The following HYAL4 variants were observed in gnomAD, a reference collection of about 807,000 sequenced individuals.
The protein encoded by HYAL4 is hyaluronidase-4.
Under a neutral mutation model 35.2 loss-of-function variants are expected in HYAL4, and 37 were observed. The observed-to-expected ratio is 1.05, with a 90% CI of 0.81 to 1.38. The LOEUF is 1.38. HYAL4 is among the 40% of genes most tolerant of loss of function. The pLI is 0.00. For synonymous variants in HYAL4, 198 were observed against 203.2 expected (o/e 0.97, Z 0.22); for missense variants, 572 against 572.4 (o/e 1.00, Z 0.01).
the HYAL4 span, among the ~76,000 whole-genome samples, chr7:123,775,542 A>G: frequency 2.6e-5 from 4 of 152,212 alleles, no homozygotes; most frequent in Admixed American, 6.5e-5. Flanking sequence ...TTAGTCTTCA[A>G]CCACATCTGG....
the HYAL4 span, among the ~76,000 whole-genome samples, chr7:123,798,290 A>C: frequency 6.6e-6 from 1 of 152,322 alleles, no homozygotes; most frequent in South Asian, 2.1e-4. Context: ...GAAACTATGC[A>C]ATTATCAGAG....
chr7:123,763,791 C>T, the HYAL4 span, among the ~76,000 whole-genome samples: 2 of 152,220 alleles, frequency 1.3e-5, no homozygotes, highest in South Asian at 2.1e-4. Context: ...TCTCTTCCTT[C>T]CAGCAGCTTC....
At chr7:123,784,712 A>G in the HYAL4 span, among the ~76,000 whole-genome samples, 5 of 152,224 alleles carry the variant, frequency 3.3e-5, no homozygotes, top group East Asian at 1.9e-4. Flanking sequence ...CCTTAACTCT[A>G]TAAAGAGCTA....
the HYAL4 span, among the ~76,000 whole-genome samples, chr7:123,820,583 C>CAAA: frequency 4.4e-5 from 5 of 113,418 alleles, no homozygotes; most frequent in Non-Finnish European, 7.4e-5. Context: ...AACTCCATCT[C>CAAA]AAAAAAAAAA....
chr7:123,858,734 C>T (rs779997534), intron 2 of HYAL4, among the ~76,000 whole-genome samples: 3 of 152,106 alleles, frequency 2.0e-5, no homozygotes, highest in African/African-American at 7.2e-5. Flanking sequence ...TCCTCTGCCC[C>T]TAAAGACAGT....
At chr7:123,839,437 C>T (rs1488990702) in intron 1 of HYAL4, among the ~76,000 whole-genome samples, 5 of 152,160 alleles carry the variant, frequency 3.3e-5, no homozygotes, top group African/African-American at 1.2e-4. Context: ...AATAGTGCCG[C>T]AATAAACATG....
rs961957353 is a variant in HYAL4 at position 123,848,094 on chromosome 7, C to T, written c.-116C>T. The T allele has an allele frequency of 6.6e-6, 1 of 152,600 alleles. No homozygotes were observed. Among genetic ancestry groups the T allele is most frequent in the Admixed American group, 6.5e-5 (1 of 15,280 alleles). The allele number at this position is 152,600 out of a possible 1,614,324, so 9.5% of individuals were successfully genotyped here. On this transcript the variant is annotated 5_prime_UTR_variant, in exon 2 of 5. Coordinates refer to ENST00000223026, the MANE Select transcript of HYAL4 (RefSeq NM_012269.3). ...TTTGTCTGAACCACGCACAGGACAT[C>T]CTTTGCCATTCAACCTCTGATTTGC...
the HYAL4 span, among the ~76,000 whole-genome samples, chr7:123,804,336 G>T: frequency 6.6e-6 from 1 of 152,096 alleles, no homozygotes; most frequent in South Asian, 2.1e-4. Flanking sequence ...TGGAAGTCTG[G>T]CCTTTTGCCC....
At chr7:123,765,357 C>G in the HYAL4 span, among the ~76,000 whole-genome samples, 1 of 152,076 alleles carries the variant, frequency 6.6e-6, no homozygotes, top group Admixed American at 6.5e-5. Flanking sequence ...AAATAGCATA[C>G]AATTAACTAT....
upstream of HYAL4, among the ~76,000 whole-genome samples, chr7:123,843,628 G>T (rs972618878): frequency 1.3e-5 from 2 of 151,916 alleles, no homozygotes; most frequent in African/African-American, 2.4e-5. Flanking sequence ...TCACTTTCAG[G>T]TATACCAATC....
At chr7:123,771,718 A>T in the HYAL4 span, among the ~76,000 whole-genome samples, 4 of 150,972 alleles carry the variant, frequency 2.6e-5, no homozygotes. Flanking sequence ...TAGGTTAAAC[A>T]TTATTTCTGA....
At chr7:123,873,578 C>G (rs1417523812) in intron 3 of HYAL4, among the ~76,000 whole-genome samples, 3 of 152,094 alleles carry the variant, frequency 2.0e-5, no homozygotes, top group Admixed American at 6.6e-5. Context: ...ATAACATTTT[C>G]TAGCGTTTAA....
At chr7:123,800,294 T>G in the HYAL4 span, among the ~76,000 whole-genome samples, 1 of 150,596 alleles carries the variant, frequency 6.6e-6, no homozygotes, top group Non-Finnish European at 1.5e-5. Context: ...CTCAGCCTCC[T>G]GAGTAGCTGG....
chr7:123,821,530 A>T, the HYAL4 span, among the ~76,000 whole-genome samples: 2 of 152,116 alleles, frequency 1.3e-5, no homozygotes, highest in African/African-American at 4.8e-5. Flanking sequence ...ATAGAAGTTC[A>T]TTATATATTT....
At chr7:123,763,924 G>C in the HYAL4 span, among the ~76,000 whole-genome samples, 1 of 152,258 alleles carries the variant, frequency 6.6e-6, no homozygotes, top group South Asian at 2.1e-4. Context: ...CCTCTCCTTG[G>C]AATGTCTTCT....
At chr7:123,820,163 G>C in the HYAL4 span, among the ~76,000 whole-genome samples, 3 of 151,952 alleles carry the variant, frequency 2.0e-5, no homozygotes, top group African/African-American at 7.2e-5. Context: ...AAAGTGCTGG[G>C]ATTACAGGCA....
chr7:123,818,354 T>C, the HYAL4 span, among the ~76,000 whole-genome samples: 1 of 152,204 alleles, frequency 6.6e-6, no homozygotes, highest in Admixed American at 6.5e-5. Flanking sequence ...TTATTCTTCC[T>C]GTGGATATAA....
chr7:123,860,679 G>C (rs538005778), intron 2 of HYAL4, among the ~76,000 whole-genome samples: 1 of 151,820 alleles, frequency 6.6e-6, no homozygotes, highest in Admixed American at 6.6e-5. Context: ...ATAAGAATTA[G>C]GAAGACATTA....
At chr7:123,786,353 T>C in the HYAL4 span, among the ~76,000 whole-genome samples, 1 of 152,220 alleles carries the variant, frequency 6.6e-6, no homozygotes, top group Non-Finnish European at 1.5e-5. Context: ...CTATGATTTT[T>C]CTACATATTT....
Sources: allele counts gnomAD v4.1 joint callset (sites outside exome capture counted in the v4.1 genomes callset), GRCh38; gene constraint gnomAD v4.1.1; transcripts MANE v1.5; gene names NCBI Gene and HGNC (gene_info 2026-07-23, HGNC 2026-07-21).